Variants in HSDL1 observed in about 807,000 individuals in gnomAD.
The protein encoded by HSDL1 is inactive hydroxysteroid dehydrogenase-like protein 1.
HSDL1 carries 29 observed loss-of-function variants against 31.5 expected under a neutral mutation model. The ratio of observed to expected loss-of-function variants is 0.92; its 90% CI spans 0.69 to 1.26. HSDL1 has a LOEUF of 1.26. HSDL1 is among the 50% of genes most tolerant of loss of function. HSDL1 has a pLI of 0.00. For synonymous variants in HSDL1, 222 were observed against 155.2 expected (o/e 1.43, Z -3.20); for missense variants, 503 against 416.6 (o/e 1.21, Z -1.81).
At chr16:84,139,568 C>G (rs1053905891) in intron 1 of HSDL1, among the ~76,000 whole-genome samples, 3 of 152,178 alleles carry the variant, frequency 2.0e-5, no homozygotes, top group African/African-American at 7.2e-5. Context: ...ATTCCCATCT[C>G]CAGAAGGAAG....
intron 2 of HSDL1, among the ~76,000 whole-genome samples, chr16:84,132,013 T>C (rs901903211): frequency 6.6e-6 from 1 of 152,192 alleles, no homozygotes; most frequent in African/African-American, 2.4e-5. Context: ...CCATTTAACA[T>C]CCGTAGCTTA....
intron 1 of HSDL1, among the ~76,000 whole-genome samples, chr16:84,136,812 G>T (rs2086717346): frequency 6.6e-6 from 1 of 152,184 alleles, no homozygotes; most frequent in Non-Finnish European, 1.5e-5. Context: ...AGCATCAGGG[G>T]GGCTGATGGC....
rs1318592718 is a variant in HSDL1, at chr16:84,131,266, T to C, written c.56A>G (p.Asn19Ser). The C allele has an allele frequency of 3.1e-6, 5 of 1,614,088 alleles. No individual in the cohort carries two copies. Among genetic ancestry groups the C allele is most frequent in the Admixed American group, 1.7e-5 (1 of 60,004 alleles). Reference sequence around the variant, plus strand: ...CAAAGCTAGAGCTTCCATATAGCAATTGCAAGACCTGGCGATTTCCCTGTA... The same window carrying C: ...CAAAGCTAGAGCTTCCATATAGCAACTGCAAGACCTGGCGATTTCCCTGTA... ...LLYREIARSC[N>S]CYMEALALVG... The change falls in exon 3 of 6, where the codon AAT becomes AGT. Residue 19 changes from asparagine (N) to serine (S), a missense_variant. Physicochemically the swap from Asn to Ser is conservative, Grantham distance 46. Coordinates refer to ENST00000219439, the MANE Select transcript of HSDL1 (RefSeq NM_031463.5).
chr16:84,138,349 G>A (rs1385321133), intron 1 of HSDL1, among the ~76,000 whole-genome samples: 1 of 152,162 alleles, frequency 6.6e-6, no homozygotes, highest in East Asian at 1.9e-4. Flanking sequence ...GGTCAAAGGG[G>A]TATAAACTTT....
At chr16:84,136,528 G>A (rs923464648) in intron 1 of HSDL1, among the ~76,000 whole-genome samples, 2 of 152,206 alleles carry the variant, frequency 1.3e-5, no homozygotes, top group Admixed American at 6.5e-5. Flanking sequence ...GCTCAGGAGC[G>A]GACCACCCAC....
At chr16:84,144,658 G>T (rs1445334061) in intron 1 of HSDL1, among the ~76,000 whole-genome samples, 2 of 152,184 alleles carry the variant, frequency 1.3e-5, no homozygotes, top group African/African-American at 4.8e-5. Flanking sequence ...GATTGCTGGG[G>T]CCGCTCGGGG....
Position 84,129,644 on chromosome 16 carries a change from C to G in HSDL1, c.798G>C (p.Ser266=). 9.3e-6 allele frequency: 15 copies of G among 1,614,204 alleles called. No individual in the cohort carries two copies. The highest frequency in any genetic ancestry group is 1.3e-5 in the Non-Finnish European group (15 of 1,180,030). The change falls in exon 5 of 6, where the codon TCG becomes TCC. Residue 266 remains serine (S), a synonymous_variant. Coordinates refer to ENST00000219439, the MANE Select transcript of HSDL1 (RefSeq NM_031463.5). ...AGACTTTTGGCGAAGGCACCAACCACGAGCACCTGTGCAGAAAGTTGCTGG... is the reference window on the plus strand; with the variant it reads ...AGACTTTTGGCGAAGGCACCAACCAGGAGCACCTGTGCAGAAAGTTGCTGG... ...TAPSNFLHRC[S]WLVPSPKVYA...
At chr16:84,143,980 T>TG (rs2086802588) in intron 1 of HSDL1, among the ~76,000 whole-genome samples, 1 of 151,834 alleles carries the variant, frequency 6.6e-6, no homozygotes, top group Non-Finnish European at 1.5e-5. Flanking sequence ...CAGGCACCAT[T>TG]GCACTACAGC....
Position 84,123,141 on chromosome 16 carries a change from C to T in HSDL1, c.*1489G>A, listed in dbSNP as rs1486416202. 1 of 152,100 alleles carries T rather than the reference C, an allele frequency of 6.6e-6. No homozygotes were observed. Among genetic ancestry groups the T allele is most frequent in the Non-Finnish European group, 1.5e-5 (1 of 68,030 alleles). The allele number at this position is 152,100 out of a possible 1,614,324, so 9.4% of individuals were successfully genotyped here. A position where few individuals can be genotyped will look rare whatever the true frequency, so the allele number is the denominator to read the frequency against. The stretch of plus-strand genomic sequence containing the variant: ...CTAAGTTCTGAAGACATGATCTAAG[C>T]GTGGAAGAGCTTCTGAAGTTGACCA... On this transcript the variant is annotated 3_prime_UTR_variant, in exon 6 of 6. Transcript: ENST00000219439.
chr16:84,132,844 T>C (rs976799262), intron 2 of HSDL1, among the ~76,000 whole-genome samples: 11 of 152,064 alleles, frequency 7.2e-5, no homozygotes, highest in Non-Finnish European at 1.3e-4. Context: ...ACTACACTTA[T>C]ATTACAGGGA....
At chr16:84,139,343 C>G (rs1366772231) in intron 1 of HSDL1, 1 of 152,306 alleles carries the variant, frequency 6.6e-6, no homozygotes, top group Non-Finnish European at 1.5e-5. Flanking sequence ...GAGAGAGAGC[C>G]ATGTGACTAC....
intron 5 of HSDL1, among the ~76,000 whole-genome samples, chr16:84,129,218 A>G (rs1191307486): frequency 6.6e-6 from 1 of 151,974 alleles, no homozygotes; most frequent in African/African-American, 2.4e-5. Context: ...CGTCTCTACT[A>G]AAAATACAAA....
chr16:84,133,806 T>TG (rs34697325), intron 2 of HSDL1, among the ~76,000 whole-genome samples: 2 of 152,210 alleles, frequency 1.3e-5, no homozygotes, highest in Non-Finnish European at 2.9e-5. Flanking sequence ...TGCTGTCCAC[T>TG]GGGGCTCTGT....
At chr16:84,127,436 G>A (rs551965514) in intron 5 of HSDL1, among the ~76,000 whole-genome samples, 18 of 151,424 alleles carry the variant, frequency 1.2e-4, no homozygotes, top group Admixed American at 6.6e-4. Flanking sequence ...GGCTGGTCTC[G>A]AACTCCTGAC....
intron 1 of HSDL1, among the ~76,000 whole-genome samples, chr16:84,137,180 A>G (rs1193560780): frequency 2.6e-5 from 4 of 152,218 alleles, no homozygotes; most frequent in Non-Finnish European, 5.9e-5. Context: ...TGAGGTGGCA[A>G]GGGCGCCACT....
At chr16:84,138,614 T>C (rs2086735465) in intron 1 of HSDL1, among the ~76,000 whole-genome samples, 1 of 152,234 alleles carries the variant, frequency 6.6e-6, no homozygotes, top group African/African-American at 2.4e-5. Flanking sequence ...TATACTTCGA[T>C]GAAGTTGGAA....
intron 1 of HSDL1, among the ~76,000 whole-genome samples, chr16:84,140,079 G>T (rs190995005): frequency 4.6e-5 from 7 of 152,118 alleles, no homozygotes; most frequent in African/African-American, 1.7e-4. Flanking sequence ...TCCCTTCCCA[G>T]GCCGTGGCAC....
At chr16:84,132,074 C>T (rs1170510026) in intron 2 of HSDL1, among the ~76,000 whole-genome samples, 1 of 152,208 alleles carries the variant, frequency 6.6e-6, no homozygotes, top group Non-Finnish European at 1.5e-5. Context: ...CCAGAAGTTA[C>T]CAAATTCCCA....
At position 84,131,318 on chromosome 16, in the gene HSDL1, C is replaced by A; in HGVS notation, c.4G>T (p.Ala2Ser). Reference protein sequence around the residue: MAAVDSFYLLYR... With the variant: MSAVDSFYLLYR... ...AAGAGGTAGAAACTGTCAACAGCAGCCATGGCAACCTGCAGGGAGAGGGAA... is the reference window on the plus strand; with the variant it reads ...AAGAGGTAGAAACTGTCAACAGCAGACATGGCAACCTGCAGGGAGAGGGAA... Residue 2 changes from alanine (A) to serine (S), a missense_variant, in exon 3 of 6, where the codon GCT becomes TCT. Transcript: ENST00000219439. 1 of 1,610,582 alleles carries A rather than the reference C, an allele frequency of 6.2e-7. No homozygotes were observed. Among genetic ancestry groups the A allele is most frequent in the Non-Finnish European group, 8.5e-7 (1 of 1,177,066 alleles).
Sources: gnomAD v4.1 joint callset for allele counts (sites outside exome capture counted in the v4.1 genomes callset) on GRCh38, gnomAD v4.1.1 for gene constraint, MANE v1.5 for transcripts, NCBI Gene and HGNC (gene_info 2026-07-23, HGNC 2026-07-21) for gene names.